Variants in NKAIN2 observed in about 807,000 individuals in gnomAD.
NKAIN2 encodes sodium/potassium transporting ATPase interacting 2.
In NKAIN2, 14 loss-of-function variants were observed where a neutral mutation model predicts 32.6. The ratio of observed to expected loss-of-function variants is 0.43; its 90% CI spans 0.28 to 0.67. The LOEUF (loss-of-function observed/expected upper bound fraction) is 0.67, where lower values mean the gene tolerates loss of function less well. Ranked by LOEUF, NKAIN2 falls within the 30% of genes least tolerant of loss-of-function variation. NKAIN2 has a pLI of 0.17. For missense variants in NKAIN2, 198 were observed against 258.3 expected, an observed-to-expected ratio of 0.77 and a Z score of 1.60; for synonymous variants, 80 against 87.2, an observed-to-expected ratio of 0.92 and a Z score of 0.46.
chr6:124,776,377 A>G (rs560296812), intron 4 of NKAIN2, among the ~76,000 whole-genome samples: 1 of 152,204 alleles, frequency 6.6e-6, no homozygotes, highest in South Asian at 2.1e-4. Context: ...TTTCTAGAGG[A>G]AGAGTAGGAA....
At chr6:124,464,385 C>T (rs954880272) in intron 3 of NKAIN2, among the ~76,000 whole-genome samples, 3 of 151,060 alleles carry the variant, frequency 2.0e-5, no homozygotes, top group African/African-American at 4.9e-5. Flanking sequence ...TCATTATTGC[C>T]ATTTTTTTTA....
At chr6:124,694,245 G>A (rs1321678948) in intron 4 of NKAIN2, among the ~76,000 whole-genome samples, 1 of 152,104 alleles carries the variant, frequency 6.6e-6, no homozygotes. Flanking sequence ...TGTTGTCCTG[G>A]CACATATGGT....
chr6:124,083,552 A>T (rs1332272363), intron 1 of NKAIN2, among the ~76,000 whole-genome samples: 1 of 151,876 alleles, frequency 6.6e-6, no homozygotes, highest in African/African-American at 2.4e-5. Flanking sequence ...TCATCAATAT[A>T]TACTCTTTTA....
intron 3 of NKAIN2, among the ~76,000 whole-genome samples, chr6:124,575,683 C>G (rs1781304399): frequency 6.6e-6 from 1 of 152,166 alleles, no homozygotes; most frequent in Non-Finnish European, 1.5e-5. Context: ...TGAAAACTGA[C>G]TTCTAAGGAA....
intron 1 of NKAIN2, among the ~76,000 whole-genome samples, chr6:123,895,269 G>A (rs968161022): frequency 6.6e-6 from 1 of 151,852 alleles, no homozygotes; most frequent in Non-Finnish European, 1.5e-5. Flanking sequence ...AGCAGCAGCA[G>A]CTCTGCTTGT....
intron 1 of NKAIN2, among the ~76,000 whole-genome samples, chr6:124,032,811 T>G (rs548245499): frequency 1.5e-4 from 23 of 152,210 alleles, no homozygotes; most frequent in Non-Finnish European, 2.4e-4. Context: ...ATTGATCTGT[T>G]CCTTCATTGT....
chr6:124,471,277 C>A (rs963789241), intron 3 of NKAIN2, among the ~76,000 whole-genome samples: 4 of 151,996 alleles, frequency 2.6e-5, no homozygotes. Flanking sequence ...ACATGAAATT[C>A]TAAATACATA....
chr6:124,072,137 T>C (rs150047869), intron 1 of NKAIN2, among the ~76,000 whole-genome samples: 70 of 152,212 alleles, frequency 4.6e-4, no homozygotes, highest in African/African-American at 1.6e-3. Flanking sequence ...TAAAATACTA[T>C]GCAGCCATTA....
chr6:124,172,035 A>C (rs1788916514), intron 1 of NKAIN2, among the ~76,000 whole-genome samples: 1 of 149,508 alleles, frequency 6.7e-6, no homozygotes, highest in African/African-American at 2.5e-5. Context: ...GGTGATCTCC[A>C]TCTGGTGACC....
At chr6:124,586,833 A>G (rs964635652) in intron 3 of NKAIN2, among the ~76,000 whole-genome samples, 1 of 152,202 alleles carries the variant, frequency 6.6e-6, no homozygotes, top group African/African-American at 2.4e-5. Flanking sequence ...CCTCTATACA[A>G]TGGAACATTA....
intron 1 of NKAIN2, among the ~76,000 whole-genome samples, chr6:124,077,064 G>T (rs1295962250): frequency 6.6e-6 from 1 of 152,150 alleles, no homozygotes; most frequent in Non-Finnish European, 1.5e-5. Flanking sequence ...AATAACAGTA[G>T]TTACCATCTG....
At chr6:123,989,062 G>A (rs973974008) in intron 1 of NKAIN2, among the ~76,000 whole-genome samples, 1 of 152,040 alleles carries the variant, frequency 6.6e-6, no homozygotes, top group Admixed American at 6.6e-5. Flanking sequence ...ATATAAAAGG[G>A]CCATTATGCT....
intron 3 of NKAIN2, among the ~76,000 whole-genome samples, chr6:124,434,456 G>A (rs766927045): frequency 3.3e-5 from 5 of 151,976 alleles, no homozygotes; most frequent in Non-Finnish European, 5.9e-5. Context: ...CGAATGCACC[G>A]TATCTATTTC....
chr6:124,417,077 C>T (rs115313593), intron 3 of NKAIN2, among the ~76,000 whole-genome samples: 2,941 of 152,158 alleles, frequency 0.019, 80 homozygotes, highest in African/African-American at 0.065. Context: ...AATCACTTAG[C>T]ATATTAAGAA....
Position 123,969,889 on chromosome 6 carries a change from T to C in NKAIN2, c.54+165635T>C, listed in dbSNP as rs78767456. Among the ~76,000 whole-genome samples the C allele has an allele frequency of 9.4e-3, 1,434 of 152,028 alleles. 29 individuals carry two copies. The highest frequency in any genetic ancestry group is 0.033 in the African/African-American group (1,359 of 41,454). ...AAAAATAACTAGTAGATAAAATGAA[T>C]TGGCCAAAATAAGTAAATTGAAAGA... On this transcript the variant is annotated intron_variant, in intron 1 of 6. Transcript: ENST00000368417.
At chr6:123,843,451 C>T (rs928459257) in intron 1 of NKAIN2, among the ~76,000 whole-genome samples, 14 of 152,026 alleles carry the variant, frequency 9.2e-5, no homozygotes, top group Admixed American at 2.6e-4. Flanking sequence ...CCTTCTCTGC[C>T]GAGCCACTCT....
In NKAIN2 at chr6:123,964,883, C is replaced by T. The variant is rs752969642; in HGVS notation, c.54+160629C>T. ...ATTTTATTCCTTTTGCTCATGTTCT[C>T]ACCTTGTACCTATCACCAGTTCCCT... On this transcript the variant is annotated intron_variant, in intron 1 of 6. Transcript: ENST00000368417. This position sits in a 1 kb window ranked among gnomAD's most constrained non-coding sequence, Gnocchi z 4.0. Among the ~76,000 whole-genome samples the T allele has an allele frequency of 2.0e-5, 3 of 152,294 alleles. No homozygotes were observed. Among genetic ancestry groups the T allele is most frequent in the Admixed American group, 2.0e-4 (3 of 15,294 alleles).
chr6:124,674,332 TG>T (rs1170822915), intron 4 of NKAIN2, among the ~76,000 whole-genome samples: 11 of 152,010 alleles, frequency 7.2e-5, no homozygotes, highest in African/African-American at 2.2e-4. Context: ...CAAGATTGTT[TG>T]GGCTGTTGGG....
intron 1 of NKAIN2, among the ~76,000 whole-genome samples, chr6:124,028,726 CGTGT>C (rs1240817570): frequency 6.1e-5 from 9 of 147,356 alleles, no homozygotes; most frequent in African/African-American, 2.2e-4. Flanking sequence ...CGTGTATATA[CGTGT>C]ATACACGTAT....
Sources: allele counts gnomAD v4.1 joint callset (sites outside exome capture counted in the v4.1 genomes callset), GRCh38; gene constraint gnomAD v4.1.1; non-coding constraint Gnocchi (gnomAD v3.1); transcripts MANE v1.5; gene names NCBI Gene and HGNC (gene_info 2026-07-23, HGNC 2026-07-21).